DNMT1: variants seen among roughly 807,000 people sequenced by gnomAD.
DNMT1 encodes the protein DNA (cytosine-5)-methyltransferase 1.
In DNMT1, 24 loss-of-function variants were observed where a neutral mutation model predicts 205.3. The observed-to-expected ratio is 0.12, with a 90% confidence interval of 0.08 to 0.16. DNMT1 has a LOEUF of 0.16. Ranked by LOEUF, DNMT1 falls within the 10% of genes least tolerant of loss-of-function variation. DNMT1 has a pLI of 1.00. For missense variants in DNMT1, 1,293 were observed against 2,177.7 expected, an observed-to-expected ratio of 0.59 and a Z score of 8.09; for synonymous variants, 817 against 839.8, an observed-to-expected ratio of 0.97 and a Z score of 0.47.
chr19:10,135,669 G>T, intron 39 of DNMT1, 67 bp downstream of exon 39: 3 of 1,542,084 alleles, frequency 1.9e-6, no homozygotes, highest in Non-Finnish European at 2.6e-6. Flanking sequence ...GCTGGCCCCA[G>T]CCCCACCTGG....
At chr19:10,166,211 C>T (rs1568243026) in intron 11 of DNMT1, among the ~76,000 whole-genome samples, 1 of 152,106 alleles carries the variant, frequency 6.6e-6, no homozygotes. Context: ...AGGGGGAGAG[C>T]TAGACTCAGA....
rs769582155 is a variant in DNMT1 at position 10,159,986 on chromosome 19, C to T, written c.1089+32G>A. On this transcript the variant is annotated intron_variant, in intron 15 of 40. Transcript: ENST00000359526. The surrounding 1 kb of genome is among the most constrained non-coding windows in gnomAD (Gnocchi z 5.0). Reference sequence around the variant, plus strand: ...CAGCTCCCAGCCGCCTCGTGAGCGCCGCCACCGGCTTTATTCCCGGCAGAT... The same window carrying T: ...CAGCTCCCAGCCGCCTCGTGAGCGCTGCCACCGGCTTTATTCCCGGCAGAT... 4 of 1,614,074 alleles carry T rather than the reference C, an allele frequency of 2.5e-6. No individual in the cohort carries two copies. In the Admixed American group the frequency reaches 5.0e-5, roughly 20 times the overall value.
chr19:10,151,453 C>T lies in DNMT1; in HGVS notation c.2210G>A (p.Gly737Glu). The T allele has an allele frequency of 3.1e-6, 5 of 1,614,066 alleles. No homozygotes were observed. The highest frequency in any genetic ancestry group is 4.2e-6 in the Non-Finnish European group (5 of 1,180,026). The change falls in exon 24 of 41, where the codon GGG becomes GAG. Residue 737 changes from glycine to glutamate, a missense_variant. By Grantham distance (98) the Gly-to-Glu change is moderately conservative. Transcript: ENST00000359526. The surrounding 1 kb of genome is among the most constrained non-coding windows in gnomAD (Gnocchi z 5.0). ...ATTCTTGTTCTGTTTCTTCTTCTTC[C>T]CCTGGTGCATTTTTTTGGGTGACGG... Reference protein sequence around the residue: ...EMPSPKKMHQGKKKKQNKNRI... With the variant: ...EMPSPKKMHQEKKKKQNKNRI...
rs374817622 is a variant in DNMT1, at chr19:10,182,061, T to C, written c.97A>G (p.Arg33Gly). 2.8e-5 allele frequency: 45 copies of C among 1,612,640 alleles called. No homozygotes were observed. Among genetic ancestry groups the C allele is most frequent in the Non-Finnish European group, 3.7e-5 (44 of 1,179,228 alleles). Residue 33 changes from arginine to glycine, a missense_variant, in exon 2 of 41, where the codon AGA becomes GGA. Arg to Gly is a moderately radical substitution (Grantham distance 125). Coordinates refer to ENST00000359526, the MANE Select transcript of DNMT1 (RefSeq NM_001130823.3). ...ATTACCTTTTCTGTTAAGCTGTCTC[T>C]TTCCAAATCTTTGAGCCTGGGAGGA... ...DVRRRLKDLERDSLTEKECVK... is the reference protein window; with the variant it reads ...DVRRRLKDLEGDSLTEKECVK...
intron 1 of DNMT1, among the ~76,000 whole-genome samples, chr19:10,193,334 C>G (rs2039336985): frequency 6.6e-6 from 1 of 152,080 alleles, no homozygotes; most frequent in African/African-American, 2.4e-5. Flanking sequence ...GCCTGGACAA[C>G]AGAGTGAGAC....
At chr19:10,152,936 C>CAA (rs34698448) in intron 22 of DNMT1, among the ~76,000 whole-genome samples, 73 of 72,556 alleles carry the variant, frequency 1.0e-3, no homozygotes, top group Middle Eastern at 6.6e-3. Flanking sequence ...CCTGTCTCTA[C>CAA]AAAAAAAAAA....
At chr19:10,175,418 G>A in intron 7 of DNMT1, 122 bp downstream of exon 7, 3 of 1,082,132 alleles carry the variant, frequency 2.8e-6, no homozygotes, top group South Asian at 1.3e-5. Context: ...CTGTCTCTCT[G>A]GAGAGCCCTA....
intron 9 of DNMT1, 74 bp downstream of exon 9, chr19:10,173,016 C>CA: frequency 6.4e-7 from 1 of 1,566,538 alleles, no homozygotes; most frequent in Non-Finnish European, 8.8e-7. Context: ...CCCCTGTCCC[C>CA]ACGTCCTGGA....
chr19:10,162,964 C>CTT (rs397859775), intron 12 of DNMT1: 643 of 352,446 alleles, frequency 1.8e-3, no homozygotes, highest in South Asian at 3.9e-3. Flanking sequence ...CTAGAACAGG[C>CTT]TTTTTTTTTT....
At position 10,146,821 on chromosome 19, in the gene DNMT1, AAC is replaced by A. The variant is rs1459322244; in HGVS notation, c.2721-299_2721-298del. ...ATATGGTTAAGAACACACCACGAGC[AAC>A]AGTCCCGAGTGGCTCAGTGAGGAAC... is the stretch of plus-strand genomic sequence containing the variant. On this transcript the variant is annotated intron_variant, in intron 27 of 40. Coordinates refer to ENST00000359526, the MANE Select transcript of DNMT1 (RefSeq NM_001130823.3). This position sits in a 1 kb window ranked among gnomAD's most constrained non-coding sequence, Gnocchi z 4.4. 1.3e-5 allele frequency among the ~76,000 whole-genome samples: 2 copies of A among 152,226 alleles called. No homozygotes were observed. Among genetic ancestry groups the A allele is most frequent in the Non-Finnish European group, 2.9e-5 (2 of 68,038 alleles).
chr19:10,162,837 C>T, intron 12 of DNMT1, 89 bp from the exon 13 acceptor site: 1 of 1,415,816 alleles, frequency 7.1e-7, no homozygotes, highest in South Asian at 1.2e-5. Context: ...ACTAATGCCT[C>T]CCCATGGGAA....
rs556494847 is a variant in DNMT1 at position 10,136,800 on chromosome 19, C to A, written c.4489+285G>T. On this transcript the variant is annotated intron_variant, in intron 37 of 40. Transcript: ENST00000359526. Reference sequence around the variant, plus strand: ...TAGAGACAGGGTCTCACTCTGTCTCCCAGGCTGGAGTGCAATGGCACAATC... The same window carrying A: ...TAGAGACAGGGTCTCACTCTGTCTCACAGGCTGGAGTGCAATGGCACAATC... 5.3e-5 allele frequency among the ~76,000 whole-genome samples: 8 copies of A among 151,818 alleles called. No homozygotes were observed. In the South Asian group the frequency reaches 1.7e-3, roughly 32 times the overall value.
Position 10,140,856 on chromosome 19 carries a change from T to C in DNMT1, c.3448A>G (p.Ile1150Val), listed in dbSNP as rs2089587251. Residue 1150 changes from isoleucine to valine, a missense_variant, in exon 32 of 41, where the codon ATC (isoleucine) becomes GTC (valine). By Grantham distance (29) the Ile-to-Val change is conservative. Coordinates refer to ENST00000359526, the MANE Select transcript of DNMT1 (RefSeq NM_001130823.3). The surrounding 1 kb of genome is among the most constrained non-coding windows in gnomAD (Gnocchi z 8.4). ...ACEPSEPEIEIKLPKLRTLDV... is the reference protein window; with the variant it reads ...ACEPSEPEIEVKLPKLRTLDV... ...AGGGTCCGCAGCTTGGGCAGCTTGA[T>C]CTCTATCTCTGGCTCGCTCGGCTCA... 6.2e-7 allele frequency: 1 copy of C among 1,614,152 alleles called. No individual in the cohort carries two copies. The highest frequency in any genetic ancestry group is 2.2e-5 in the East Asian group (1 of 44,882).
chr19:10,194,900 C>T lies in DNMT1; in HGVS notation c.-1G>A, dbSNP rs758736474. ...GGGCTGGGGCGGTACGCGCCGGCATCTCGGAGGCTTCAGCAGACGCGGCGG... is the reference window on the plus strand; with the variant it reads ...GGGCTGGGGCGGTACGCGCCGGCATTTCGGAGGCTTCAGCAGACGCGGCGG... On this transcript the variant is annotated 5_prime_UTR_variant, in exon 1 of 41. Coordinates refer to ENST00000359526, the MANE Select transcript of DNMT1 (RefSeq NM_001130823.3). 5.6e-6 allele frequency: 9 copies of T among 1,607,876 alleles called. No individual in the cohort carries two copies. The African/African-American group carries it at 9.4e-5, about 17-fold the overall frequency.
chr19:10,181,562 G>A lies in DNMT1; in HGVS notation c.117+479C>T, dbSNP rs942132993. 8.0e-4 allele frequency among the ~76,000 whole-genome samples: 121 copies of A among 151,772 alleles called. 1 individual carries two copies. Among genetic ancestry groups the A allele is most frequent in the Non-Finnish European group, 2.9e-4 (20 of 67,974 alleles). The stretch of plus-strand genomic sequence containing the variant: ...AAAAAAAAAACCTGGGCCAGGCATG[G>A]TGGCTCACGCCTGTAATTCCAGCAC... On this transcript the variant is annotated intron_variant, in intron 2 of 40. Coordinates refer to ENST00000359526, the MANE Select transcript of DNMT1 (RefSeq NM_001130823.3).
intron 13 of DNMT1, 102 bp from the exon 14 acceptor site, chr19:10,160,520 A>T (rs2038546577): frequency 5.3e-6 from 7 of 1,324,878 alleles, no homozygotes; most frequent in Non-Finnish European, 6.4e-6. Flanking sequence ...ATCATAAAAC[A>T]GAGAGAAGGG....
At chr19:10,144,414 A>G in intron 28 of DNMT1, 1 of 225,848 alleles carries the variant, frequency 4.4e-6, no homozygotes, top group East Asian at 1.2e-4. Flanking sequence ...TCTCACAGAA[A>G]AAAAAAAAAA....
intron 5 of DNMT1, 32 bp downstream of exon 5, chr19:10,180,155 T>C (rs1234924762): frequency 2.9e-6 from 2 of 678,186 alleles, no homozygotes; most frequent in Admixed American, 4.6e-5. Context: ...CTCTACTAAA[T>C]ACAAAAATTA....
At chr19:10,192,875 C>T (rs1408741965) in intron 1 of DNMT1, among the ~76,000 whole-genome samples, 15 of 151,940 alleles carry the variant, frequency 9.9e-5, no homozygotes, top group Admixed American at 8.6e-4. Flanking sequence ...GGAGAAACCC[C>T]GACTCCACTG....
Sources: gnomAD v4.1 joint callset for allele counts (sites outside exome capture counted in the v4.1 genomes callset) on GRCh38, gnomAD v4.1.1 for gene constraint, Gnocchi (gnomAD v3.1) non-coding constraint, MANE v1.5 for transcripts, NCBI Gene and HGNC (gene_info 2026-07-23, HGNC 2026-07-21) for gene names.